The following NCKAP5 variants were observed in gnomAD, a reference collection of about 807,000 sequenced individuals.
The protein encoded by NCKAP5 is nck-associated protein 5.
In NCKAP5, 92 loss-of-function variants were observed where a neutral mutation model predicts 167.0. That is an observed-to-expected ratio of 0.55 (90% CI 0.47 to 0.66). The LOEUF is 0.66. Ranked by LOEUF, NCKAP5 falls within the 30% of genes least tolerant of loss-of-function variation. The pLI is 0.00. For missense variants in NCKAP5, 2,378 were observed against 2,315.0 expected, an observed-to-expected ratio of 1.03 and a Z score of -0.56; for synonymous variants, 891 against 877.4, an observed-to-expected ratio of 1.02 and a Z score of -0.27.
chr2:133,345,723 G>A (rs1315838202), intron 3 of NCKAP5, among the ~76,000 whole-genome samples: 1 of 152,178 alleles, frequency 6.6e-6, no homozygotes, highest in Non-Finnish European at 1.5e-5. Context: ...TGATCTGCTT[G>A]TGGGGTGATT....
intron 3 of NCKAP5, among the ~76,000 whole-genome samples, chr2:133,477,396 TATCTGCTCCAGGAAGACAG>T (rs979488555): frequency 1.3e-5 from 2 of 152,222 alleles, no homozygotes; most frequent in Admixed American, 1.3e-4. Context: ...CATTCTGCTC[TATCTGCTCCAGGAAGACAG>T]ATCTGCTTTT....
At chr2:133,622,405 G>A in the NCKAP5 span, among the ~76,000 whole-genome samples, 26 of 152,018 alleles carry the variant, frequency 1.7e-4, no homozygotes, top group Non-Finnish European at 8.8e-5. Context: ...CACCCAAAAA[G>A]CTTCCAGAAC....
chr2:133,312,688 T>C (rs916716441), intron 3 of NCKAP5, among the ~76,000 whole-genome samples: 1 of 152,228 alleles, frequency 6.6e-6, no homozygotes, highest in Non-Finnish European at 1.5e-5. Flanking sequence ...CTAGTCTTTC[T>C]ACCTCCCTTT....
At chr2:133,619,512 T>G in the NCKAP5 span, among the ~76,000 whole-genome samples, 1 of 140,794 alleles carries the variant, frequency 7.1e-6, no homozygotes, top group Non-Finnish European at 1.5e-5. Flanking sequence ...AGACAAGGCT[T>G]TTGAATTAAC....
At chr2:132,969,255 CTG>C (rs2076759085) in intron 7 of NCKAP5, among the ~76,000 whole-genome samples, 1 of 152,158 alleles carries the variant, frequency 6.6e-6, no homozygotes, top group Non-Finnish European at 1.5e-5. Context: ...CCAGGCTGGT[CTG>C]TAACTCCTGA....
chr2:132,851,120 G>T, intron 11 of NCKAP5, among the ~76,000 whole-genome samples: 1 of 152,130 alleles, frequency 6.6e-6, no homozygotes, highest in Non-Finnish European at 1.5e-5. Context: ...TGCTTTAAAG[G>T]CGGAAAAGTT....
At chr2:133,105,758 G>A (rs1220014384) in intron 6 of NCKAP5, among the ~76,000 whole-genome samples, 3 of 152,212 alleles carry the variant, frequency 2.0e-5, no homozygotes, top group Admixed American at 1.3e-4. Flanking sequence ...GAGCAAATGG[G>A]CAGAGGGTCT....
chr2:133,230,979 G>T (rs1051030597), intron 4 of NCKAP5, among the ~76,000 whole-genome samples: 4 of 152,184 alleles, frequency 2.6e-5, no homozygotes, highest in Non-Finnish European at 5.9e-5. Context: ...AGGGGATGCT[G>T]CTGCCAACCA....
chr2:132,976,738 A>T (rs1162459307), intron 7 of NCKAP5, among the ~76,000 whole-genome samples: 3 of 151,926 alleles, frequency 2.0e-5, no homozygotes, highest in Non-Finnish European at 2.9e-5. Context: ...GTATAATTAA[A>T]GCATCATGTT....
intron 8 of NCKAP5, among the ~76,000 whole-genome samples, chr2:132,951,013 A>G (rs1294309926): frequency 6.6e-6 from 1 of 152,102 alleles, no homozygotes; most frequent in East Asian, 1.9e-4. Flanking sequence ...AAGGGAAAAG[A>G]CTCTATCTTG....
At position 133,184,927 on chromosome 2, in the gene NCKAP5, C is replaced by G. The variant is rs557525863; in HGVS notation, c.207+28789G>C. ...CCAACATACAGGTTTTCTGTTTACT[C>G]TGTTGAAAGTTTATTTTGCTATGCA... is the stretch of plus-strand genomic sequence containing the variant. On this transcript the variant is annotated intron_variant, in intron 5 of 19. Coordinates refer to ENST00000409261, the MANE Select transcript of NCKAP5 (RefSeq NM_207363.3). Among the ~76,000 whole-genome samples the G allele has an allele frequency of 2.0e-5, 3 of 152,256 alleles. No homozygotes were observed. The East Asian group carries it at 5.8e-4, about 29-fold the overall frequency.
At chr2:132,839,757 CAAAAA>C (rs59000613) in intron 11 of NCKAP5, among the ~76,000 whole-genome samples, 1 of 63,080 alleles carries the variant, frequency 1.6e-5, no homozygotes, top group Non-Finnish European at 3.0e-5. Context: ...GACCTTGTCT[CAAAAA>C]AAAAAAAAAA....
At chr2:133,623,557 C>T in the NCKAP5 span, among the ~76,000 whole-genome samples, 2 of 151,716 alleles carry the variant, frequency 1.3e-5, no homozygotes, top group East Asian at 1.9e-4. Context: ...AAATGTTCAA[C>T]ACCACTAATT....
At chr2:132,685,977 G>C (rs1685886919) in intron 19 of NCKAP5, among the ~76,000 whole-genome samples, 1 of 152,126 alleles carries the variant, frequency 6.6e-6, no homozygotes, top group African/African-American at 2.4e-5. Context: ...GGTCCTCTAT[G>C]GGAAGAGGTG....
chr2:133,426,409 G>T (rs1293779560), intron 3 of NCKAP5, among the ~76,000 whole-genome samples: 1 of 135,642 alleles, frequency 7.4e-6, no homozygotes, highest in African/African-American at 2.8e-5. Context: ...GAAAATAAAT[G>T]CATTACACAT....
At chr2:133,020,636 T>G (rs2078493900) in intron 6 of NCKAP5, among the ~76,000 whole-genome samples, 1 of 152,200 alleles carries the variant, frequency 6.6e-6, no homozygotes, top group South Asian at 2.1e-4. Flanking sequence ...TTTCATCCTA[T>G]TAAAGCATTC....
chr2:133,162,839 T>C (rs2083852982), intron 5 of NCKAP5, among the ~76,000 whole-genome samples: 1 of 152,234 alleles, frequency 6.6e-6, no homozygotes, highest in Admixed American at 6.5e-5. Context: ...ACTGTGTGTT[T>C]GTAAACAAAG....
chr2:133,117,007 C>G (rs1414253484), intron 6 of NCKAP5: 1 of 152,156 alleles, frequency 6.6e-6, no homozygotes, highest in African/African-American at 2.4e-5. Flanking sequence ...CCTAGGGTAT[C>G]TGAGTTCATA....
intron 8 of NCKAP5, among the ~76,000 whole-genome samples, chr2:132,903,786 AAG>A (rs1693802971): frequency 6.6e-6 from 1 of 152,184 alleles, no homozygotes; most frequent in Non-Finnish European, 1.5e-5. Context: ...CAAAACTAGT[AAG>A]AGTTTATTAG....
Sources: allele counts gnomAD v4.1 joint callset (sites outside exome capture counted in the v4.1 genomes callset), GRCh38; gene constraint gnomAD v4.1.1; transcripts MANE v1.5; gene names NCBI Gene and HGNC (gene_info 2026-07-23, HGNC 2026-07-21).